CALN1: variants seen among roughly 807,000 people sequenced by gnomAD.
The protein encoded by CALN1 is calneuron 1, also known as calcium-binding protein 8.
CALN1 carries 17 observed loss-of-function variants against 30.6 expected under a neutral mutation model. That is an observed-to-expected ratio of 0.56 (90% CI 0.38 to 0.83). The LOEUF (loss-of-function observed/expected upper bound fraction) is 0.83. CALN1 is among the 40% of genes least tolerant of loss of function. The pLI, the probability that CALN1 is intolerant of heterozygous loss-of-function variation, is 0.00. For synonymous variants in CALN1, 156 were observed against 131.4 expected (o/e 1.19, Z -1.28); for missense variants, 291 against 354.9 (o/e 0.82, Z 1.45).
intron 3 of CALN1, among the ~76,000 whole-genome samples, chr7:72,191,393 G>A (rs1790590134): frequency 6.6e-6 from 1 of 152,020 alleles, no homozygotes; most frequent in African/African-American, 2.4e-5. Flanking sequence ...CTTTAGGTCA[G>A]GAGTTCGAGA....
intron 2 of CALN1, among the ~76,000 whole-genome samples, chr7:72,376,114 A>G (rs1209777550): frequency 2.6e-5 from 4 of 152,232 alleles, no homozygotes; most frequent in Admixed American, 2.0e-4. Flanking sequence ...TTTATGGATT[A>G]TATCATCTTC....
At chr7:72,451,253 A>AGAGGAGGAAGAG (rs112171732), upstream of CALN1, among the ~76,000 whole-genome samples, 7 of 129,712 alleles carry the variant, frequency 5.4e-5, no homozygotes, top group Admixed American at 7.6e-5. Flanking sequence ...AAGAGGAGGA[A>AGAGGAGGAAGAG]GAGGAGGAGG....
chr7:72,403,771 T>C (rs993779870), intron 1 of CALN1, among the ~76,000 whole-genome samples: 6 of 152,182 alleles, frequency 3.9e-5, no homozygotes, highest in African/African-American at 9.7e-5. Context: ...GCCAAAGTGA[T>C]TGCAACTTGC....
At chr7:72,038,072 C>A (rs10257634) in intron 4 of CALN1, among the ~76,000 whole-genome samples, 41 of 152,280 alleles carry the variant, frequency 2.7e-4, no homozygotes, top group African/African-American at 9.4e-4. Flanking sequence ...TGGCTTCCAG[C>A]CTCTTTGTCT....
chr7:72,400,438 T>TA (rs1056422401), intron 2 of CALN1, among the ~76,000 whole-genome samples: 12 of 152,346 alleles, frequency 7.9e-5, no homozygotes, highest in Non-Finnish European at 1.3e-4. Context: ...CACATCCTTC[T>TA]AGGTCCTTGA....
chr7:71,814,395 G>A (rs1788140121), intron 5 of CALN1, among the ~76,000 whole-genome samples: 1 of 152,178 alleles, frequency 6.6e-6, no homozygotes, highest in Admixed American at 6.5e-5. Context: ...TGAGATTCTA[G>A]AGCTTGAGTC....
chr7:72,333,691 G>GAAA (rs5884885), intron 2 of CALN1, among the ~76,000 whole-genome samples: 2 of 107,792 alleles, frequency 1.9e-5, no homozygotes, highest in African/African-American at 7.5e-5. Context: ...GGAATATGCA[G>GAAA]AAAAAAAAAA....
chr7:72,247,475 TGACCTTGTG>T lies in CALN1; in HGVS notation c.244+31202_244+31210del, dbSNP rs574516565. 2.5e-3 allele frequency among the ~76,000 whole-genome samples: 378 copies of T among 151,150 alleles called. 2 individuals are homozygous for T. The highest frequency in any genetic ancestry group is 8.6e-3 in the African/African-American group (356 of 41,208). On this transcript the variant is annotated intron_variant, in intron 3 of 6. Coordinates refer to ENST00000395275, the MANE Select transcript of CALN1 (RefSeq NM_031468.4). ...GTTAGCCAGGATGGTCTCAATCTCC[TGACCTTGTG>T]GACCTTGTGATCTGCCCGCCTCAGC...
chr7:72,027,721 A>AC (rs1801155534), intron 4 of CALN1, among the ~76,000 whole-genome samples: 1 of 94,800 alleles, frequency 1.1e-5, no homozygotes, highest in African/African-American at 7.2e-5. Flanking sequence ...CAAAACAAAC[A>AC]AACAAACACA....
intron 3 of CALN1, among the ~76,000 whole-genome samples, chr7:72,208,701 A>T (rs1196260563): frequency 6.6e-6 from 1 of 152,224 alleles, no homozygotes; most frequent in Non-Finnish European, 1.5e-5. Flanking sequence ...TGGGAAAACA[A>T]CTATTTTTAA....
intron 3 of CALN1, among the ~76,000 whole-genome samples, chr7:72,190,998 T>C (rs1311731295): frequency 6.6e-6 from 1 of 152,224 alleles, no homozygotes; most frequent in East Asian, 1.9e-4. Context: ...CATTCATTCA[T>C]TGACCAAGAA....
chr7:72,045,583 C>A (rs1802414477), intron 4 of CALN1, among the ~76,000 whole-genome samples: 1 of 152,136 alleles, frequency 6.6e-6, no homozygotes, highest in Non-Finnish European at 1.5e-5. Context: ...GGCTGGAGTG[C>A]AGTGACACAA....
intron 3 of CALN1, among the ~76,000 whole-genome samples, chr7:72,208,000 A>G (rs916018165): frequency 1.3e-5 from 2 of 152,186 alleles, no homozygotes; most frequent in African/African-American, 2.4e-5. Flanking sequence ...TTTCTTATCA[A>G]TGTATTGTTA....
chr7:72,085,639 A>G (rs1419183975), intron 4 of CALN1, among the ~76,000 whole-genome samples: 1 of 152,174 alleles, frequency 6.6e-6, no homozygotes, highest in Non-Finnish European at 1.5e-5. Context: ...GGGAAAAATT[A>G]TTTGTCAAGG....
At chr7:72,416,848 G>T (rs570342789), upstream of CALN1, among the ~76,000 whole-genome samples, 1 of 152,248 alleles carries the variant, frequency 6.6e-6, no homozygotes, top group African/African-American at 2.4e-5. Flanking sequence ...TCAGCCGAGG[G>T]TTGAGCTGGG....
chr7:72,403,898 G>A (rs1200679375), intron 1 of CALN1, among the ~76,000 whole-genome samples: 1 of 152,172 alleles, frequency 6.6e-6, no homozygotes, highest in Admixed American at 6.5e-5. Context: ...GAAGGACTCT[G>A]GCCCAGCCTC....
intron 2 of CALN1, among the ~76,000 whole-genome samples, chr7:72,312,808 A>G (rs1340123167): frequency 6.6e-6 from 1 of 151,362 alleles, no homozygotes; most frequent in Non-Finnish European, 1.5e-5. Context: ...AAAATAGAAG[A>G]GAGAATAAGG....
intron 2 of CALN1, among the ~76,000 whole-genome samples, chr7:72,373,726 A>G (rs998378957): frequency 1.1e-4 from 16 of 152,240 alleles, no homozygotes; most frequent in African/African-American, 2.4e-4. Context: ...TAACTCCATC[A>G]TAAGTCAAGA....
intron 2 of CALN1, among the ~76,000 whole-genome samples, chr7:72,284,879 GTAGA>G (rs143392389): frequency 0.012 from 1,791 of 152,220 alleles, 33 homozygotes; most frequent in African/African-American, 0.039. Flanking sequence ...AGGTAGGTAG[GTAGA>G]TAGATAGATA....
Sources: gnomAD v4.1 joint callset for allele counts (sites outside exome capture counted in the v4.1 genomes callset) on GRCh38, gnomAD v4.1.1 for gene constraint, MANE v1.5 for transcripts, NCBI Gene and HGNC (gene_info 2026-07-23, HGNC 2026-07-21) for gene names.